The following ERAP1 variants were observed in gnomAD, a reference collection of about 807,000 sequenced individuals.
ERAP1 encodes adipocyte-derived leucine aminopeptidase.
In ERAP1, 86 loss-of-function variants were observed where a neutral mutation model predicts 103.7. That is an observed-to-expected ratio of 0.83 (90% CI 0.70 to 0.99). ERAP1 has a LOEUF of 0.99. ERAP1 is among the 50% of genes least tolerant of loss of function. The pLI, the probability that ERAP1 is intolerant of heterozygous loss-of-function variation, is 0.00. For missense variants in ERAP1, 1,009 were observed against 1,128.4 expected (o/e 0.89, Z 1.52); for synonymous variants, 398 against 402.4 (o/e 0.99, Z 0.13).
intron 11 of ERAP1, 29 bp downstream of exon 11, chr5:96,788,502 C>T: frequency 1.2e-6 from 2 of 1,613,230 alleles, no homozygotes; most frequent in Non-Finnish European, 1.7e-6. Context: ...ACCTAGACAA[C>T]AAAACAAATT....
In ERAP1 at chr5:96,805,357, T is replaced by TAAAA. The variant is rs57338770; in HGVS notation, c.-17-1418_-17-1415dup. 5.8e-5 allele frequency among the ~76,000 whole-genome samples: 8 copies of TAAAA among 138,924 alleles called. No individual in the cohort carries two copies. In the South Asian group the frequency reaches 6.8e-4, roughly 12 times the overall value. The allele number at this position is 138,924 out of a possible 152,430, so 91.1% of individuals were successfully genotyped here. On this transcript the variant is annotated intron_variant, in intron 1 of 18. Transcript: ENST00000443439. ...ATTTCTGGTTTTTGGTTTTTTTTTT[T>TAAAA]AAAAAAAAAAAAAACTGTCCAGAGA...
the ERAP1 span, among the ~76,000 whole-genome samples, chr5:96,818,081 T>C: frequency 6.6e-6 from 1 of 152,116 alleles, no homozygotes; most frequent in African/African-American, 2.4e-5. Flanking sequence ...TGATTGTAAT[T>C]AAGAACAAAA....
the ERAP1 span, among the ~76,000 whole-genome samples, chr5:96,861,301 C>T: frequency 6.6e-6 from 1 of 152,148 alleles, no homozygotes; most frequent in Non-Finnish European, 1.5e-5. Context: ...GTAATGAACA[C>T]ACAGATACTT....
chr5:96,882,335 T>C, the ERAP1 span, among the ~76,000 whole-genome samples: 1 of 152,134 alleles, frequency 6.6e-6, no homozygotes, highest in Non-Finnish European at 1.5e-5. Flanking sequence ...ATATTTGGAG[T>C]AAAGCTGTAG....
intron 19 of ERAP1, among the ~76,000 whole-genome samples, chr5:96,765,814 A>T (rs1769728659): frequency 6.6e-6 from 1 of 151,958 alleles, no homozygotes; most frequent in African/African-American, 2.4e-5. Flanking sequence ...TTCCATTTAA[A>T]ATATAGCTAG....
At chr5:96,865,025 C>T in the ERAP1 span, among the ~76,000 whole-genome samples, 1 of 152,054 alleles carries the variant, frequency 6.6e-6, no homozygotes, top group Non-Finnish European at 1.5e-5. Flanking sequence ...TATTTTTGTC[C>T]TTTAACTTTT....
At chr5:96,923,554 C>T in the ERAP1 span, among the ~76,000 whole-genome samples, 1 of 151,886 alleles carries the variant, frequency 6.6e-6, no homozygotes, top group Non-Finnish European at 1.5e-5. Flanking sequence ...ATTAGCCGGG[C>T]GCAGTGGCGG....
At chr5:96,766,295 G>A in intron 19 of ERAP1, 1 of 555,910 alleles carries the variant, frequency 1.8e-6, no homozygotes, top group East Asian at 3.0e-5. Flanking sequence ...AAGCCGACCA[G>A]CAGGTAAATA....
chr5:96,915,580 C>A, the ERAP1 span: 1 of 518,392 alleles, frequency 1.9e-6, no homozygotes, highest in Non-Finnish European at 3.2e-6. Flanking sequence ...TTGTAATACA[C>A]AAGCTTATCA....
At chr5:96,808,001 G>T (rs562521408), upstream of ERAP1, 86 of 985,604 alleles carry the variant, frequency 8.7e-5, no homozygotes, top group South Asian at 1.4e-4. Flanking sequence ...GAGCCCTAGC[G>T]GCAGGCGGGG....
the ERAP1 span, among the ~76,000 whole-genome samples, chr5:96,861,378 C>T: frequency 6.6e-6 from 1 of 152,156 alleles, no homozygotes; most frequent in African/African-American, 2.4e-5. Context: ...AGGAGAGTTT[C>T]TGATGAGCAG....
chr5:96,809,990 G>A (rs1779058306), upstream of ERAP1, among the ~76,000 whole-genome samples: 2 of 152,210 alleles, frequency 1.3e-5, no homozygotes. Flanking sequence ...GAAGACAGCT[G>A]AGGAGACAAA....
chr5:96,876,971 T>C, the ERAP1 span, among the ~76,000 whole-genome samples: 1 of 151,954 alleles, frequency 6.6e-6, no homozygotes, highest in Non-Finnish European at 1.5e-5. Context: ...TTAATTTATG[T>C]ATTTATTTAT....
At chr5:96,889,211 A>C in the ERAP1 span, 1 of 1,614,158 alleles carries the variant, frequency 6.2e-7, no homozygotes, top group South Asian at 1.1e-5. Context: ...CCCCAGACAA[A>C]CGGAATCAAA....
At chr5:96,877,675 G>A in the ERAP1 span, among the ~76,000 whole-genome samples, 2 of 152,168 alleles carry the variant, frequency 1.3e-5, no homozygotes, top group Admixed American at 6.5e-5. Context: ...TGGAATTAGC[G>A]TTGGAATCTG....
the ERAP1 span, among the ~76,000 whole-genome samples, chr5:96,907,647 C>T: frequency 7.3e-5 from 11 of 151,476 alleles, no homozygotes; most frequent in African/African-American, 1.9e-4. Context: ...TTTGGGAGGC[C>T]GAGGCGGGTG....
the ERAP1 span, chr5:96,892,569 G>A: frequency 4.9e-6 from 6 of 1,223,102 alleles, no homozygotes; most frequent in African/African-American, 9.1e-5. Flanking sequence ...GGGGAACTTA[G>A]AGACTACTAA....
chr5:96,898,167 G>A, the ERAP1 span, among the ~76,000 whole-genome samples: 1 of 152,086 alleles, frequency 6.6e-6, no homozygotes, highest in Non-Finnish European at 1.5e-5. Flanking sequence ...CTGCACTCCA[G>A]CCTGGGTGAC....
chr5:96,797,105 T>A (rs1777426589), intron 4 of ERAP1, 70 bp downstream of exon 4: 8 of 1,601,112 alleles, frequency 5.0e-6, no homozygotes, highest in Non-Finnish European at 6.8e-6. Context: ...CAGGCAGACT[T>A]CCAGTTTTAA....
Sources: allele counts gnomAD v4.1 joint callset (sites outside exome capture counted in the v4.1 genomes callset), GRCh38; gene constraint gnomAD v4.1.1; transcripts MANE v1.5; gene names NCBI Gene and HGNC (gene_info 2026-07-23, HGNC 2026-07-21).